The following PAX1 variants were observed in gnomAD, a reference collection of about 807,000 sequenced individuals.
PAX1 encodes paired box 1.
In PAX1, 18 loss-of-function variants were observed where a neutral mutation model predicts 35.6. The ratio of observed to expected loss-of-function variants is 0.50; its 90% CI spans 0.35 to 0.75. The LOEUF (loss-of-function observed/expected upper bound fraction) is 0.75, where lower values mean the gene tolerates loss of function less well. PAX1 is among the 30% of genes least tolerant of loss of function. The pLI is 0.01. For missense variants in PAX1, 760 were observed against 661.5 expected (o/e 1.15, Z -1.63); for synonymous variants, 397 against 305.2 (o/e 1.30, Z -3.14).
At chr20:21,707,144 C>A in intron 2 of PAX1, 77 bp downstream of exon 2, 1 of 1,552,806 alleles carries the variant, frequency 6.4e-7, no homozygotes, top group East Asian at 2.3e-5. Context: ...AGAGGACTCA[C>A]ACTCGCTCTC....
chr20:21,712,887 C>T (rs1985240607), intron 4 of PAX1, among the ~76,000 whole-genome samples: 1 of 152,196 alleles, frequency 6.6e-6, no homozygotes, highest in Middle Eastern at 3.4e-3. Context: ...CCTGCAATTG[C>T]AGTTGAATAT....
At chr20:21,711,919 A>G (rs1483871244) in intron 4 of PAX1, among the ~76,000 whole-genome samples, 4 of 152,224 alleles carry the variant, frequency 2.6e-5, no homozygotes, top group Non-Finnish European at 5.9e-5. Context: ...AATATCTTCA[A>G]AGAAACCTGT....
In PAX1 at chr20:21,714,397, G is replaced by T. The variant is rs576907222; in HGVS notation, c.1283-74G>T. On this transcript the variant is annotated intron_variant, in intron 4 of 4. Coordinates refer to ENST00000613128, the MANE Select transcript of PAX1 (RefSeq NM_001257096.2). ...GCGCTCACGACCTCGCTCTGCAGGC[G>T]TCCTGAGTCCCAGTGCCTCTCGCAC... 28 of 1,122,490 alleles carry T rather than the reference G, an allele frequency of 2.5e-5. No homozygotes were observed. The South Asian group carries it at 4.3e-4, about 17-fold the overall frequency. The allele number at this position is 1,122,490 out of a possible 1,614,324, so 69.5% of individuals were successfully genotyped here. A position where few individuals can be genotyped will look rare whatever the true frequency, so the allele number is the denominator to read the frequency against.
In PAX1 at chr20:21,709,355, GTCC is replaced by G. The variant is rs1483822037; in HGVS notation, c.1199_1201del (p.Pro400del). 1.3e-6 allele frequency: 2 copies of G among 1,593,744 alleles called. No homozygotes were observed. Among genetic ancestry groups the G allele is most frequent in the Non-Finnish European group, 1.7e-6 (2 of 1,174,272 alleles). ...GGCCCGCCGTGGCCGCCTGCGCAAGGTCCTCCTCTGGCGCCCCCCGGGGCCGGC... is the reference window on the plus strand; with the variant it reads ...GGCCCGCCGTGGCCGCCTGCGCAAGGTCCTCTGGCGCCCCCCGGGGCCGGC... On this transcript the variant is annotated inframe_deletion, in exon 4 of 5. Transcript: ENST00000613128.
chr20:21,706,004 G>A lies in PAX1; in HGVS notation c.286+6G>A. The A allele has an allele frequency of 2.0e-6, 3 of 1,470,804 alleles. No homozygotes were observed. The highest frequency in any genetic ancestry group is 2.7e-6 in the Non-Finnish European group (3 of 1,120,136). 91.1% of individuals were successfully genotyped at this position (1,470,804 alleles called of 1,614,324 possible). A position where few individuals can be genotyped will look rare whatever the true frequency, so the allele number is the denominator to read the frequency against. ...GGCCGGCCCGCTCGCTATGGGTAAG[G>A]GGCGGGCGACAGGCAGGGCTCGGGA... On this transcript the variant is annotated splice_donor_region_variant and intron_variant, in intron 1 of 4. Coordinates refer to ENST00000613128, the MANE Select transcript of PAX1 (RefSeq NM_001257096.2). This position sits in a 1 kb window ranked among gnomAD's most constrained non-coding sequence, Gnocchi z 5.3.
intron 2 of PAX1, among the ~76,000 whole-genome samples, chr20:21,707,595 T>G (rs1408027045): frequency 6.6e-6 from 1 of 152,180 alleles, no homozygotes; most frequent in Non-Finnish European, 1.5e-5. Flanking sequence ...GCAGCCACCT[T>G]CACAAGGATT....
Position 21,706,965 on chromosome 20 carries a change from G to T in PAX1, c.814G>T (p.Gly272Trp). Reference protein sequence around the residue: ...PTGAKMGSHPGVPGTAGHVSI... With the variant: ...PTGAKMGSHPWVPGTAGHVSI... Reference sequence around the variant, plus strand: ...GGGCGCCAAGATGGGCAGCCACCCCGGGGTCCCGGGCACGGCGGGCCACGT... The same window carrying T: ...GGGCGCCAAGATGGGCAGCCACCCCTGGGTCCCGGGCACGGCGGGCCACGT... The change falls in exon 2 of 5, where the codon GGG becomes TGG. Residue 272 changes from glycine to tryptophan, a missense_variant. By Grantham distance (184) the Gly-to-Trp change is radical. Transcript: ENST00000613128. This position sits in a 1 kb window ranked among gnomAD's most constrained non-coding sequence, Gnocchi z 5.3. 1 of 1,612,538 alleles carries T rather than the reference G, an allele frequency of 6.2e-7. No homozygotes were observed. Among genetic ancestry groups the T allele is most frequent in the Non-Finnish European group, 8.5e-7 (1 of 1,179,634 alleles).
chr20:21,706,259 C>A lies in PAX1; in HGVS notation c.287-179C>A. ...CTCCACTCCGCGGCTCCTCTGCGCC[C>A]TTGCCCACTCCAAGCCAGACCCAGG... On this transcript the variant is annotated intron_variant, in intron 1 of 4. Coordinates refer to ENST00000613128, the MANE Select transcript of PAX1 (RefSeq NM_001257096.2). This position sits in a 1 kb window ranked among gnomAD's most constrained non-coding sequence, Gnocchi z 5.3. The A allele has an allele frequency of 1.1e-6, 1 of 890,270 alleles. No homozygotes were observed. Among genetic ancestry groups the A allele is most frequent in the Non-Finnish European group, 1.8e-6 (1 of 554,250 alleles). The allele number at this position is 890,270 out of a possible 1,614,324, so 55.1% of individuals were successfully genotyped here.
chr20:21,708,509 C>A (rs1229227884), intron 2 of PAX1, 49 bp from the exon 3 acceptor site: 2 of 1,610,390 alleles, frequency 1.2e-6, no homozygotes, highest in Non-Finnish European at 1.7e-6. Context: ...ACACGTGTGC[C>A]CAGGGCAGAT....
chr20:21,714,173 G>T (rs1370295942), intron 4 of PAX1, among the ~76,000 whole-genome samples: 1 of 152,232 alleles, frequency 6.6e-6, no homozygotes, highest in Non-Finnish European at 1.5e-5. Context: ...CAGGTGGTGA[G>T]GGGGTTGGAC....
In PAX1 at chr20:21,705,776, G is replaced by C; in HGVS notation, c.64G>C (p.Ala22Pro). ...AGTGTCCTGGGAGGGGGCAGCAGCG[G>C]CGGCGGCAGGCCCTGGAGCGGGCGG... Reference protein sequence around the residue: ...WRVSWEGAAAAAAGPGAGGSA... With the variant: ...WRVSWEGAAAPAAGPGAGGSA... The change falls in exon 1 of 5, where the codon GCG becomes CCG. Residue 22 changes from alanine (A) to proline (P), a missense_variant. Coordinates refer to ENST00000613128, the MANE Select transcript of PAX1 (RefSeq NM_001257096.2). 7.9e-7 allele frequency: 1 copy of C among 1,261,942 alleles called. No individual in the cohort carries two copies. Among genetic ancestry groups the C allele is most frequent in the Non-Finnish European group, 1.0e-6 (1 of 1,003,264 alleles). 78.2% of individuals were successfully genotyped at this position (1,261,942 alleles called of 1,614,324 possible).
At chr20:21,708,274 G>A (rs1985079133) in intron 2 of PAX1, 1 of 561,972 alleles carries the variant, frequency 1.8e-6, no homozygotes, top group South Asian at 2.0e-5. Context: ...TGGAGCGGCC[G>A]CTTTGGCCGA....
At chr20:21,710,701 TG>T (rs973564516) in intron 4 of PAX1, among the ~76,000 whole-genome samples, 3 of 52,920 alleles carry the variant, frequency 5.7e-5, no homozygotes, top group East Asian at 5.3e-4. Context: ...GGGGGTGGGG[TG>T]GGGGGCAGGA....
chr20:21,705,800 G>A lies in PAX1; in HGVS notation c.88G>A (p.Gly30Ser). Reference sequence around the variant, plus strand: ...GGCGGCGGCAGGCCCTGGAGCGGGCGGCAGCGCGCTCCGCTGCCGCGCACA... The same window carrying A: ...GGCGGCGGCAGGCCCTGGAGCGGGCAGCAGCGCGCTCCGCTGCCGCGCACA... ...AAAAAGPGAG[G>S]SALRCRAQRV... Residue 30 changes from glycine (G) to serine (S), a missense_variant, in exon 1 of 5, where the codon GGC becomes AGC. Around this residue, in one of 3 missense-constraint regions of PAX1, gnomAD observed 222 missense variants for 153.0 expected, o/e 1.45. Coordinates refer to ENST00000613128, the MANE Select transcript of PAX1 (RefSeq NM_001257096.2). The A allele has an allele frequency of 7.8e-7, 1 of 1,280,690 alleles. No homozygotes were observed. Among genetic ancestry groups the A allele is most frequent in the South Asian group, 3.2e-5 (1 of 31,474 alleles). The allele number at this position is 1,280,690 out of a possible 1,614,324, so 79.3% of individuals were successfully genotyped here. A position where few individuals can be genotyped will look rare whatever the true frequency, so the allele number is the denominator to read the frequency against.
chr20:21,716,493 CAA>C lies in PAX1; in HGVS notation c.*1933_*1934del, dbSNP rs915174163. 2 of 145,826 alleles carry C rather than the reference CAA, an allele frequency of 1.4e-5. No individual in the cohort carries two copies. The highest frequency in any genetic ancestry group is 2.2e-4 in the South Asian group (1 of 4,548). The allele number at this position is 145,826 out of a possible 1,614,324, so 9.0% of individuals were successfully genotyped here. On this transcript the variant is annotated 3_prime_UTR_variant, in exon 5 of 5. Coordinates refer to ENST00000613128, the MANE Select transcript of PAX1 (RefSeq NM_001257096.2). Reference sequence around the variant, plus strand: ...CTAGAGAGACTCTTCTTCTCAGATTCAAAGTCTCTTGTCTTTTTTTTTTTTTT... The same window carrying C: ...CTAGAGAGACTCTTCTTCTCAGATTCAGTCTCTTGTCTTTTTTTTTTTTTT...
rs1490293734 is a variant in PAX1, at chr20:21,714,927, C to T, written c.*365C>T. 6.2e-6 allele frequency: 5 copies of T among 812,104 alleles called. No individual in the cohort carries two copies. In the African/African-American group the frequency reaches 8.5e-5, roughly 14 times the overall value. The allele number at this position is 812,104 out of a possible 1,614,324, so 50.3% of individuals were successfully genotyped here. A position where few individuals can be genotyped will look rare whatever the true frequency, so the allele number is the denominator to read the frequency against. ...CGCCTCTCTCCCTGTTTCCTTCCCC[C>T]CTCTTTCTTTCTCACTCTCCCTCCC... is the stretch of plus-strand genomic sequence containing the variant. On this transcript the variant is annotated 3_prime_UTR_variant, in exon 5 of 5. Coordinates refer to ENST00000613128, the MANE Select transcript of PAX1 (RefSeq NM_001257096.2).
At chr20:21,711,362 C>T (rs557286969) in intron 4 of PAX1, among the ~76,000 whole-genome samples, 4 of 152,240 alleles carry the variant, frequency 2.6e-5, no homozygotes, top group African/African-American at 9.6e-5. Context: ...TAATTCTAAA[C>T]TACCTGTCTT....
At chr20:21,707,191 C>T (rs1019117473) in intron 2 of PAX1, 124 bp downstream of exon 2, 56 of 1,226,646 alleles carry the variant, frequency 4.6e-5, no homozygotes, top group Non-Finnish European at 6.4e-5. Flanking sequence ...GAGGGCTCCA[C>T]ACTGGCCAGG....
intron 4 of PAX1, among the ~76,000 whole-genome samples, chr20:21,713,743 A>G (rs1034698476): frequency 2.1e-4 from 32 of 152,172 alleles, no homozygotes; most frequent in African/African-American, 6.5e-4. Flanking sequence ...ATAATAGAGT[A>G]AGGCGCAGAA....
Sources: allele counts gnomAD v4.1 joint callset (sites outside exome capture counted in the v4.1 genomes callset), GRCh38; gene constraint gnomAD v4.1.1; regional missense constraint gnomAD v4.1.1; non-coding constraint Gnocchi (gnomAD v3.1); transcripts MANE v1.5; gene names NCBI Gene and HGNC (gene_info 2026-07-23, HGNC 2026-07-21).